Variants in TCF12 observed in about 807,000 individuals in gnomAD.
TCF12 encodes DNA-binding protein HTF4.
A neutral mutation model predicts 86.0 loss-of-function variants in TCF12; 45 were observed. That is an observed-to-expected ratio of 0.52 (90% CI 0.41 to 0.67). The LOEUF (loss-of-function observed/expected upper bound fraction) is 0.67, where lower values mean the gene tolerates loss of function less well. Among genes scored for constraint, TCF12 ranks in the 30% least tolerant of loss-of-function variants. The probability of loss-of-function intolerance (pLI) is 0.00; values close to 1 mark genes in which losing one functional copy is unlikely to be tolerated. For synonymous variants in TCF12, 330 were observed against 299.6 expected, an observed-to-expected ratio of 1.10 and a Z score of -1.05; for missense variants, 881 against 859.9, an observed-to-expected ratio of 1.02 and a Z score of -0.31.
intron 6 of TCF12, 85 bp from the exon 7 acceptor site, chr15:57,192,073 G>A (rs139044322): frequency 3.0e-5 from 45 of 1,496,264 alleles, no homozygotes; most frequent in Non-Finnish European, 4.0e-5. Flanking sequence ...TGCTGAAGTT[G>A]TAAATAATTC....
chr15:57,203,925 A>G (rs1359030944), intron 8 of TCF12, among the ~76,000 whole-genome samples: 1 of 152,134 alleles, frequency 6.6e-6, no homozygotes, highest in Non-Finnish European at 1.5e-5. Flanking sequence ...CTAAAGTGGG[A>G]GGATCACTTG....
At chr15:57,002,432 A>T (rs564424246) in intron 3 of TCF12, among the ~76,000 whole-genome samples, 36 of 152,284 alleles carry the variant, frequency 2.4e-4, no homozygotes, top group Admixed American at 1.6e-3. Context: ...TATAAAGTCT[A>T]TTAAAACAAA....
chr15:57,104,435 C>CTTTTTTTTTTTTTTTTTTTTTTTT (rs71113062), intron 5 of TCF12, among the ~76,000 whole-genome samples: 1 of 103,362 alleles, frequency 9.7e-6, no homozygotes, highest in Non-Finnish European at 1.9e-5. Flanking sequence ...TTTTTTTTTT[C>CTTTTTTTTTTTTTTTTTTTTTTTT]TTTTTTTTTT....
intron 8 of TCF12, among the ~76,000 whole-genome samples, chr15:57,198,384 G>A (rs2057374743): frequency 6.6e-6 from 1 of 152,052 alleles, no homozygotes; most frequent in South Asian, 2.1e-4. Flanking sequence ...CCTAGCATCA[G>A]GAAAGCTTTC....
rs67832685 is a variant in TCF12 at position 56,939,967 on chromosome 15, G to GTTTT, written c.148+18890_148+18893dup. Among the ~76,000 whole-genome samples, 1,650 of 104,532 alleles carry GTTTT rather than the reference G, an allele frequency of 0.016. 113 individuals are homozygous for GTTTT. The East Asian group carries it at 0.16, about 10-fold the overall frequency. 68.6% of individuals were successfully genotyped at this position (104,532 alleles called of 152,430 possible). On this transcript the variant is annotated intron_variant, in intron 3 of 20. Transcript: ENST00000333725. ...AAAAGAAGTGATACTTTAATAGCGT[G>GTTTT]TTTTTTTTTTTTTTTTTTTTTTTTG...
chr15:56,924,035 G>T (rs529707407), intron 3 of TCF12, among the ~76,000 whole-genome samples: 1 of 151,618 alleles, frequency 6.6e-6, no homozygotes. Flanking sequence ...GGGGCGGGGG[G>T]TTATTTTTAG....
intron 4 of TCF12, among the ~76,000 whole-genome samples, chr15:57,077,326 TATGTGTGTGTGTGTGTGTG>T (rs2151036951): frequency 1.5e-4 from 1 of 6,646 alleles, no homozygotes; most frequent in South Asian, 4.8e-3. Flanking sequence ...TATGTATATA[TATGTGTGTGTGTGTGTGTG>T]TGTGTGTGTG....
At chr15:56,958,990 G>T (rs1269414326) in intron 3 of TCF12, among the ~76,000 whole-genome samples, 2 of 152,072 alleles carry the variant, frequency 1.3e-5, no homozygotes, top group Admixed American at 6.6e-5. Flanking sequence ...TGTATATTAG[G>T]CTGTCTTCTA....
intron 4 of TCF12, among the ~76,000 whole-genome samples, chr15:57,072,983 A>G (rs2069543504): frequency 6.6e-6 from 1 of 152,204 alleles, no homozygotes; most frequent in African/African-American, 2.4e-5. Context: ...ATCTCTTGCT[A>G]GCAGATATTT....
At chr15:57,274,340 T>G (rs1456656306) in intron 19 of TCF12, among the ~76,000 whole-genome samples, 1 of 152,212 alleles carries the variant, frequency 6.6e-6, no homozygotes, top group Non-Finnish European at 1.5e-5. Flanking sequence ...CTCCAATATA[T>G]TTAATGAATA....
At position 57,087,673 on chromosome 15, in the gene TCF12, G is replaced by A. The variant is rs560907596; in HGVS notation, c.223-4116G>A. The stretch of plus-strand genomic sequence containing the variant: ...AGATTTACCAACCAAATTTTAGACA[G>A]ATTTTAAGTATAGAAATTAATGGTT... On this transcript the variant is annotated intron_variant, in intron 4 of 20. Coordinates refer to ENST00000333725, the MANE Select transcript of TCF12 (RefSeq NM_207037.2). Among the ~76,000 whole-genome samples the A allele has an allele frequency of 2.5e-3, 376 of 152,184 alleles. 2 individuals are homozygous for A. Among genetic ancestry groups the A allele is most frequent in the Middle Eastern group, 0.01 (3 of 294 alleles).
At chr15:57,260,590 A>G (rs1187609890) in intron 16 of TCF12, among the ~76,000 whole-genome samples, 2 of 152,182 alleles carry the variant, frequency 1.3e-5, no homozygotes, top group African/African-American at 4.8e-5. Context: ...TATAAATACA[A>G]ATACACCTCA....
chr15:56,970,707 T>C (rs1461696169), intron 3 of TCF12, among the ~76,000 whole-genome samples: 1 of 151,760 alleles, frequency 6.6e-6, no homozygotes, highest in Non-Finnish European at 1.5e-5. Flanking sequence ...GATAAGACTT[T>C]TGCATGGGGA....
intron 8 of TCF12, among the ~76,000 whole-genome samples, chr15:57,200,495 A>G (rs8033118): frequency 0.42 from 63,507 of 152,018 alleles, 13,478 homozygotes; most frequent in Middle Eastern, 0.54. Flanking sequence ...TAATTTGAAT[A>G]TTATACTTTC....
chr15:57,011,832 A>C (rs1382618781), intron 3 of TCF12, among the ~76,000 whole-genome samples: 1 of 152,160 alleles, frequency 6.6e-6, no homozygotes, highest in African/African-American at 2.4e-5. Context: ...ACTTTCCATC[A>C]ATTTTTAAAG....
chr15:57,009,814 C>T (rs2064710344), intron 3 of TCF12, among the ~76,000 whole-genome samples: 2 of 152,118 alleles, frequency 1.3e-5, no homozygotes, highest in South Asian at 4.1e-4. Context: ...ATACTTAACC[C>T]AAGTCGAAGT....
chr15:57,124,354 A>G (rs142063787), intron 5 of TCF12, among the ~76,000 whole-genome samples: 134 of 152,320 alleles, frequency 8.8e-4, no homozygotes, highest in African/African-American at 3.1e-3. Context: ...ATGACAAACA[A>G]TGCTGAGACT....
chr15:57,170,964 G>A (rs1205366997), intron 6 of TCF12, among the ~76,000 whole-genome samples: 10 of 149,186 alleles, frequency 6.7e-5, no homozygotes, highest in African/African-American at 2.5e-4. Flanking sequence ...TTTAACAAAT[G>A]TCCAGGTGAT....
intron 6 of TCF12, among the ~76,000 whole-genome samples, chr15:57,180,907 C>A (rs977553572): frequency 1.7e-4 from 25 of 147,020 alleles, no homozygotes; most frequent in Middle Eastern, 3.7e-3. Flanking sequence ...CTCCGCCTCC[C>A]AGGTTCCCGC....
Sources: allele counts gnomAD v4.1 joint callset (sites outside exome capture counted in the v4.1 genomes callset), GRCh38; gene constraint gnomAD v4.1.1; transcripts MANE v1.5; gene names NCBI Gene and HGNC (gene_info 2026-07-23, HGNC 2026-07-21).